Variants in CPS1 observed in about 807,000 individuals in gnomAD.
The protein encoded by CPS1 is carbamoyl-phosphate synthase [ammonia], mitochondrial.
Under a neutral mutation model 174.6 loss-of-function variants are expected in CPS1, and 109 were observed. The observed-to-expected ratio is 0.62, with a 90% confidence interval of 0.53 to 0.73. The LOEUF is 0.73. Among genes scored for constraint, CPS1 ranks in the 30% least tolerant of loss-of-function variants. The pLI is 0.00. For missense variants in CPS1, 1,689 were observed against 1,821.9 expected, an observed-to-expected ratio of 0.93 and a Z score of 1.33; for synonymous variants, 637 against 632.0, an observed-to-expected ratio of 1.01 and a Z score of -0.12.
intron 34 of CPS1, 99 bp downstream of exon 34, chr2:210,668,383 GT>G: frequency 1.1e-6 from 1 of 877,046 alleles, no homozygotes; most frequent in Non-Finnish European, 2.0e-6. Flanking sequence ...AGGGAGATTT[GT>G]TTTACGTTTC....
intron 18 of CPS1, among the ~76,000 whole-genome samples, chr2:210,607,392 T>C (rs943602264): frequency 6.6e-6 from 1 of 151,848 alleles, no homozygotes; most frequent in Non-Finnish European, 1.5e-5. Flanking sequence ...GACTGAACAG[T>C]GCGGAATTTT....
At chr2:210,494,933 A>G (rs1694955296) in intron 1 of CPS1, among the ~76,000 whole-genome samples, 1 of 152,186 alleles carries the variant, frequency 6.6e-6, no homozygotes, top group Non-Finnish European at 1.5e-5. Flanking sequence ...GCTTTCAGCT[A>G]TGGCTGCACA....
intron 21 of CPS1, among the ~76,000 whole-genome samples, chr2:210,629,213 A>T (rs531732874): frequency 6.6e-6 from 1 of 152,376 alleles, no homozygotes; most frequent in South Asian, 2.1e-4. Context: ...TTATAAATAA[A>T]TGTATTCATC....
At chr2:210,603,528 C>T (rs1453517025) in intron 16 of CPS1, among the ~76,000 whole-genome samples, 1 of 151,800 alleles carries the variant, frequency 6.6e-6, no homozygotes, top group East Asian at 1.9e-4. Flanking sequence ...AAGTTTATTT[C>T]CTCTAGCATG....
chr2:210,650,285 T>C lies in CPS1; in HGVS notation c.3405-78T>C, dbSNP rs1306329152. 20 of 1,169,912 alleles carry C rather than the reference T, an allele frequency of 1.7e-5. No homozygotes were observed. The East Asian group carries it at 4.7e-4, about 27-fold the overall frequency. 72.5% of individuals were successfully genotyped at this position (1,169,912 alleles called of 1,614,324 possible). On this transcript the variant is annotated intron_variant, in intron 27 of 37. Coordinates refer to ENST00000233072, the MANE Select transcript of CPS1 (RefSeq NM_001875.5). ...CAGCCCCGACTGGAACTATAGGTTG[T>C]CTGGAACTGTTCTGAGAACCAGTCA...
At chr2:210,521,205 G>T (rs1574489025) in intron 1 of CPS1, among the ~76,000 whole-genome samples, 1 of 151,870 alleles carries the variant, frequency 6.6e-6, no homozygotes, top group East Asian at 1.9e-4. Flanking sequence ...CTAATTTTTT[G>T]AAAGATTTCC....
chr2:210,482,868 T>C (rs758337621), intron 1 of CPS1, among the ~76,000 whole-genome samples: 2 of 152,346 alleles, frequency 1.3e-5, no homozygotes, highest in Middle Eastern at 3.4e-3. Context: ...TGTGTACTTA[T>C]AGGTGGTTAT....
chr2:210,621,184 G>A (rs1178330509), intron 21 of CPS1, among the ~76,000 whole-genome samples: 1 of 152,090 alleles, frequency 6.6e-6, no homozygotes, highest in Non-Finnish European at 1.5e-5. Flanking sequence ...ATAGGCTGGT[G>A]TAGTAGCATT....
chr2:210,519,852 T>A lies in CPS1; in HGVS notation c.4-36867T>A, dbSNP rs563855304. 1,580 of 912,348 alleles carry A rather than the reference T, an allele frequency of 1.7e-3. 3 individuals are homozygous for A. The highest frequency in any genetic ancestry group is 2.0e-3 in the Non-Finnish European group (1,528 of 763,300). The allele number at this position is 912,348 out of a possible 1,614,324, so 56.5% of individuals were successfully genotyped here. On this transcript the variant is annotated intron_variant, in intron 1 of 38. Transcript: ENST00000430249. ...AGTTCCTAATGAAAAAATGGCTTTG[T>A]TCTGGGTTGTAGTGATATAATCAGA...
chr2:210,562,997 A>G (rs1301874626), intron 1 of CPS1, among the ~76,000 whole-genome samples: 1 of 152,136 alleles, frequency 6.6e-6, no homozygotes, highest in South Asian at 2.1e-4. Flanking sequence ...CCCATTTCAC[A>G]GATATGTAAG....
At position 210,592,911 on chromosome 2, in the gene CPS1, T is replaced by C; in HGVS notation, c.1119T>C (p.Ala373=). Residue 373 remains alanine (A), a synonymous_variant, in exon 11 of 38, where the codon GCT becomes GCC. Coordinates refer to ENST00000233072, the MANE Select transcript of CPS1 (RefSeq NM_001875.5). ...GIMHESKPFF[A]VQFHPEVTPG... ...TGCATGAGAGCAAACCCTTCTTCGC[T>C]GTGCAGTTCCACCCAGAGGTCACCC... 1.2e-6 allele frequency: 2 copies of C among 1,612,538 alleles called. No homozygotes were observed. The highest frequency in any genetic ancestry group is 1.7e-6 in the Non-Finnish European group (2 of 1,179,040).
chr2:210,599,264 C>A, intron 13 of CPS1, 108 bp from the exon 14 acceptor site: 1 of 957,792 alleles, frequency 1.0e-6, no homozygotes, highest in Non-Finnish European at 1.7e-6. Flanking sequence ...ATCTCTACGG[C>A]CCACAGATAA....
intron 28 of CPS1, among the ~76,000 whole-genome samples, chr2:210,652,712 C>A (rs1700595350): frequency 6.6e-6 from 1 of 152,016 alleles, no homozygotes; most frequent in African/African-American, 2.4e-5. Context: ...GATTTAAAGG[C>A]AAGGGTTATT....
chr2:210,616,663 G>A (rs1699320303), intron 21 of CPS1, 122 bp downstream of exon 21: 1 of 751,402 alleles, frequency 1.3e-6, no homozygotes. Flanking sequence ...TGCCATTGTT[G>A]GAAAATAGTA....
chr2:210,674,984 G>T, intron 35 of CPS1, 23 bp downstream of exon 35: 1 of 1,578,822 alleles, frequency 6.3e-7, no homozygotes, highest in African/African-American at 1.3e-5. Context: ...GTTTTAAGTT[G>T]TTTTCTGTCA....
chr2:210,603,585 A>G (rs760900112), intron 16 of CPS1, among the ~76,000 whole-genome samples: 1 of 151,932 alleles, frequency 6.6e-6, no homozygotes, highest in African/African-American at 2.4e-5. Flanking sequence ...ATAACTGCCA[A>G]TTGTGACAGT....
At chr2:210,580,722 A>G (rs1697895801) in intron 5 of CPS1, among the ~76,000 whole-genome samples, 1 of 151,784 alleles carries the variant, frequency 6.6e-6, no homozygotes, top group African/African-American at 2.4e-5. Flanking sequence ...CTAGCCAGTT[A>G]TAGTGGTGCA....
chr2:210,607,016 G>T, intron 18 of CPS1, 75 bp downstream of exon 18: 1 of 1,316,556 alleles, frequency 7.6e-7, no homozygotes, highest in Admixed American at 1.8e-5. Context: ...GATAGTGGAA[G>T]ACTGTACTGC....
chr2:210,480,944 G>A (rs965543143), intron 1 of CPS1, among the ~76,000 whole-genome samples: 1 of 152,148 alleles, frequency 6.6e-6, no homozygotes, highest in African/African-American at 2.4e-5. Flanking sequence ...GAGGAAACAA[G>A]AACATAAACA....
Sources: gnomAD v4.1 joint callset for allele counts (sites outside exome capture counted in the v4.1 genomes callset) on GRCh38, gnomAD v4.1.1 for gene constraint, MANE v1.5 for transcripts, NCBI Gene and HGNC (gene_info 2026-07-23, HGNC 2026-07-21) for gene names.